The following ROBO2 variants were observed in gnomAD, a reference collection of about 807,000 sequenced individuals.
ROBO2 encodes the protein roundabout homolog 2.
Under a neutral mutation model 160.8 loss-of-function variants are expected in ROBO2, and 53 were observed. That is an observed-to-expected ratio of 0.33 (90% CI 0.26 to 0.41). The LOEUF (loss-of-function observed/expected upper bound fraction) is 0.41, where lower values mean the gene tolerates loss of function less well. Ranked by LOEUF, ROBO2 falls within the 10% of genes least tolerant of loss-of-function variation. The pLI is 1.00. For synonymous variants in ROBO2, 664 were observed against 611.7 expected (o/e 1.09, Z -1.26); for missense variants, 1,577 against 1,722.4 (o/e 0.92, Z 1.49).
intron 2 of ROBO2, among the ~76,000 whole-genome samples, chr3:76,546,940 G>A (rs953807883): frequency 2.6e-5 from 4 of 151,914 alleles, no homozygotes; most frequent in Admixed American, 6.6e-5. Context: ...GCCAAGCAAT[G>A]CTTAGATTCA....
chr3:76,537,506 G>A (rs898821999), intron 2 of ROBO2, among the ~76,000 whole-genome samples: 3 of 152,080 alleles, frequency 2.0e-5, no homozygotes, highest in Non-Finnish European at 4.4e-5. Context: ...GGTAGCGAGA[G>A]AGGCTGGAGA....
chr3:76,125,425 A>G (rs184201021), intron 2 of ROBO2, among the ~76,000 whole-genome samples: 177 of 152,260 alleles, frequency 1.2e-3, no homozygotes, highest in African/African-American at 4.2e-3. Context: ...TCTTCAGACT[A>G]CTTTCCACAG....
Position 77,357,625 on chromosome 3 carries a change from A to C in ROBO2, c.389-119789A>C, listed in dbSNP as rs377121677. Among the ~76,000 whole-genome samples the C allele has an allele frequency of 7.9e-5, 12 of 152,332 alleles. No individual in the cohort carries two copies. The East Asian group carries it at 2.3e-3, about 29-fold the overall frequency. ...CATAGATTGGTTTTGAATCTTATTC[A>C]TGGTCACCCAGCAGTTAAGTGACAG... On this transcript the variant is annotated intron_variant, in intron 2 of 25. Transcript: ENST00000461745.
chr3:76,384,399 T>G (rs2076782058), intron 2 of ROBO2, among the ~76,000 whole-genome samples: 1 of 152,144 alleles, frequency 6.6e-6, no homozygotes, highest in Admixed American at 6.6e-5. Flanking sequence ...GGACCCTGTT[T>G]TGGTCATGAG....
chr3:76,925,939 G>A (rs577082774), intron 2 of ROBO2, among the ~76,000 whole-genome samples: 3 of 152,324 alleles, frequency 2.0e-5, no homozygotes, highest in Admixed American at 6.5e-5. Flanking sequence ...TCCAAGATGA[G>A]TAAGTGGAAT....
chr3:77,140,130 G>A (rs2076588584), intron 2 of ROBO2, among the ~76,000 whole-genome samples: 1 of 152,138 alleles, frequency 6.6e-6, no homozygotes, highest in South Asian at 2.1e-4. Context: ...TGAACTGTGA[G>A]CGTCCTGATT....
chr3:76,652,129 C>T (rs554744845), intron 2 of ROBO2, among the ~76,000 whole-genome samples: 2 of 152,142 alleles, frequency 1.3e-5, no homozygotes, highest in African/African-American at 4.8e-5. Context: ...AGACTATGCT[C>T]TCATTAGGAG....
chr3:76,732,087 G>C lies in ROBO2; in HGVS notation c.110-365927G>C, dbSNP rs548307914. On this transcript the variant is annotated intron_variant, in intron 2 of 26. Coordinates refer to the ROBO2 transcript ENST00000487694. ...ACCATAATGAAATTATGTGCCATTA[G>C]TAGAAACTGGAAGGAAGGAATGGCT... is the stretch of plus-strand genomic sequence containing the variant. 4.6e-5 allele frequency among the ~76,000 whole-genome samples: 7 copies of C among 152,236 alleles called. No individual in the cohort carries two copies. In the East Asian group the frequency reaches 1.4e-3, roughly 29 times the overall value.
chr3:76,532,690 C>T (rs1426117475), intron 2 of ROBO2, among the ~76,000 whole-genome samples: 2 of 152,104 alleles, frequency 1.3e-5, no homozygotes, highest in African/African-American at 2.4e-5. Flanking sequence ...TGATATATCT[C>T]TTTCATTAAA....
chr3:76,804,363 A>G (rs1453009798), intron 2 of ROBO2, among the ~76,000 whole-genome samples: 1 of 152,228 alleles, frequency 6.6e-6, no homozygotes, highest in Non-Finnish European at 1.5e-5. Context: ...ACCTTTCGGC[A>G]GAATTGAACA....
chr3:77,068,438 G>T (rs890181501), intron 1 of ROBO2, among the ~76,000 whole-genome samples: 1 of 151,946 alleles, frequency 6.6e-6, no homozygotes, highest in East Asian at 1.9e-4. Context: ...ACCCTATTAA[G>T]AATATAATCT....
chr3:77,028,924 A>G (rs535964583), intron 2 of ROBO2, among the ~76,000 whole-genome samples: 3 of 152,298 alleles, frequency 2.0e-5, no homozygotes, highest in Admixed American at 1.3e-4. Flanking sequence ...TGTTGTTCAC[A>G]CTAACTAAGG....
At chr3:76,604,360 A>G (rs995005108) in intron 2 of ROBO2, among the ~76,000 whole-genome samples, 2 of 152,188 alleles carry the variant, frequency 1.3e-5, no homozygotes, top group African/African-American at 4.8e-5. Context: ...TTAATGTTCA[A>G]TTAATAAATC....
At chr3:77,542,971 C>G (rs1582835134) in intron 6 of ROBO2, among the ~76,000 whole-genome samples, 1 of 152,150 alleles carries the variant, frequency 6.6e-6, no homozygotes, top group African/African-American at 2.4e-5. Flanking sequence ...TATATGACCA[C>G]TGTGACCTAG....
chr3:77,376,154 C>CTATT (rs372828965), intron 2 of ROBO2, among the ~76,000 whole-genome samples: 1 of 115,524 alleles, frequency 8.7e-6, no homozygotes, highest in African/African-American at 3.4e-5. Context: ...ATTTAACTTT[C>CTATT]TTTTTTTTTT....
chr3:76,992,365 AT>A (rs1559812306), intron 2 of ROBO2, among the ~76,000 whole-genome samples: 6 of 38,738 alleles, frequency 1.5e-4, no homozygotes, highest in South Asian at 8.1e-4. Context: ...ATATATATAT[AT>A]ATAAATTTAG....
In ROBO2 at chr3:76,221,023, A is replaced by G. The variant is rs146672098; in HGVS notation, c.109+283421A>G. On this transcript the variant is annotated intron_variant, in intron 2 of 26. Transcript: ENST00000487694. ...GAGCTTAATCATAGAACATGGTAAT[A>G]CTAGGAGACATCATGAAGGATCTCC... Among the ~76,000 whole-genome samples the G allele has an allele frequency of 3.0e-3, 437 of 146,024 alleles. 2 individuals are homozygous for G. The highest frequency in any genetic ancestry group is 0.01 in the African/African-American group (418 of 40,968).
At chr3:77,591,984 C>G (rs1436329751) in intron 17 of ROBO2, among the ~76,000 whole-genome samples, 1 of 152,150 alleles carries the variant, frequency 6.6e-6, no homozygotes, top group Non-Finnish European at 1.5e-5. Context: ...GTAGTCTGCC[C>G]TAAATCTCAT....
At chr3:76,278,374 G>A (rs1708050971) in intron 2 of ROBO2, among the ~76,000 whole-genome samples, 1 of 151,882 alleles carries the variant, frequency 6.6e-6, no homozygotes. Context: ...AAAAGCCCAG[G>A]TACATTTCGG....
Sources: gnomAD v4.1 joint callset for allele counts (sites outside exome capture counted in the v4.1 genomes callset) on GRCh38, gnomAD v4.1.1 for gene constraint, MANE v1.5 for transcripts, NCBI Gene and HGNC (gene_info 2026-07-23, HGNC 2026-07-21) for gene names.